Variants in SNX31 observed in about 807,000 individuals in gnomAD.
SNX31 encodes the protein sorting nexin 31.
SNX31 carries 58 observed loss-of-function variants against 65.4 expected under a neutral mutation model. That is an observed-to-expected ratio of 0.89 (90% CI 0.72 to 1.10). The LOEUF is 1.10. SNX31 is among the 50% of genes least tolerant of loss of function. SNX31 has a pLI of 0.00. For missense variants in SNX31, 523 were observed against 529.7 expected (o/e 0.99, Z 0.12); for synonymous variants, 181 against 190.1 (o/e 0.95, Z 0.39).
At chr8:100,627,503 T>C (rs973205907) in intron 4 of SNX31, among the ~76,000 whole-genome samples, 3 of 152,168 alleles carry the variant, frequency 2.0e-5, no homozygotes, top group African/African-American at 7.2e-5. Context: ...AGATATAGAA[T>C]GATCTGCAAG....
At chr8:100,661,436 A>G (rs548081426) in intron 1 of SNX31, among the ~76,000 whole-genome samples, 1 of 152,330 alleles carries the variant, frequency 6.6e-6, no homozygotes, top group East Asian at 1.9e-4. Context: ...GTCCATCAAA[A>G]CCAGGAATAA....
In SNX31 at chr8:100,647,804, A is replaced by T. The variant is rs150884448; in HGVS notation, c.141+1470T>A. ...GCAGGAAAACAGAGGAGGGTAGGAG[A>T]GGATACCCTGCCTCCCCCTGCCAAT... On this transcript the variant is annotated intron_variant, in intron 2 of 13. Transcript: ENST00000311812. 9.0e-3 allele frequency among the ~76,000 whole-genome samples: 1,372 copies of T among 152,140 alleles called. 13 individuals are homozygous for T. Among genetic ancestry groups the T allele is most frequent in the Non-Finnish European group, 0.015 (1,009 of 67,992 alleles).
chr8:100,592,799 T>C (rs758319700), intron 10 of SNX31, among the ~76,000 whole-genome samples: 15 of 152,240 alleles, frequency 9.9e-5, no homozygotes, highest in African/African-American at 3.6e-4. Context: ...TAAAAAATAA[T>C]AAAGTACTGA....
rs764646577 is a variant in SNX31, at chr8:100,636,031, C to T, written c.142-20G>A. 3 of 1,592,534 alleles carry T rather than the reference C, an allele frequency of 1.9e-6. No homozygotes were observed. The highest frequency in any genetic ancestry group is 3.3e-5 in the Admixed American group (2 of 59,876). ...CCTTAGCTGAAAGATCCAGGAAACA[C>T]AGTTAAGGCAGGTGAGCCGCCAGTT... On this transcript the variant is annotated intron_variant, in intron 2 of 13. Coordinates refer to ENST00000311812, the MANE Select transcript of SNX31 (RefSeq NM_152628.4).
At chr8:100,581,603 G>A (rs182490970) in intron 12 of SNX31, among the ~76,000 whole-genome samples, 1 of 151,988 alleles carries the variant, frequency 6.6e-6, no homozygotes, top group East Asian at 1.9e-4. Flanking sequence ...TTATTTATGG[G>A]GCTCATTTGG....
Position 100,591,488 on chromosome 8 carries a change from C to CAA in SNX31, c.979-2511_979-2510dup, listed in dbSNP as rs71274986. On this transcript the variant is annotated intron_variant, in intron 10 of 13. Coordinates refer to ENST00000311812, the MANE Select transcript of SNX31 (RefSeq NM_152628.4). Reference sequence around the variant, plus strand: ...TGGGCAACAGAGTGAGACTCCGTCTCAAAAAAAAAAAAAAAAAAAAGAAGG... The same window carrying CAA: ...TGGGCAACAGAGTGAGACTCCGTCTCAAAAAAAAAAAAAAAAAAAAAAGAAGG... Among the ~76,000 whole-genome samples the CAA allele has an allele frequency of 6.8e-3, 528 of 77,472 alleles. 5 individuals carry two copies. Among genetic ancestry groups the CAA allele is most frequent in the African/African-American group, 0.023 (488 of 20,980 alleles). The allele number at this position is 77,472 out of a possible 152,430, so 50.8% of individuals were successfully genotyped here.
At chr8:100,643,188 G>A (rs12678411) in intron 2 of SNX31, among the ~76,000 whole-genome samples, 13,121 of 138,800 alleles carry the variant, frequency 0.095, 705 homozygotes, top group South Asian at 0.22. Context: ...GCGTGACTCC[G>A]TCTCAAAAAA....
chr8:100,627,435 AC>A (rs1818116583), intron 4 of SNX31, among the ~76,000 whole-genome samples: 1 of 152,242 alleles, frequency 6.6e-6, no homozygotes, highest in Non-Finnish European at 1.5e-5. Flanking sequence ...GGAAAGCAAA[AC>A]CCAGAATGCA....
chr8:100,597,743 T>G (rs1486612109), intron 9 of SNX31, among the ~76,000 whole-genome samples: 1 of 152,212 alleles, frequency 6.6e-6, no homozygotes, highest in Admixed American at 6.5e-5. Flanking sequence ...CTTTTAAAAT[T>G]TAGCTTTTCC....
chr8:100,651,396 A>G (rs1819968641), upstream of SNX31, among the ~76,000 whole-genome samples: 1 of 152,216 alleles, frequency 6.6e-6, no homozygotes, highest in Admixed American at 6.5e-5. Flanking sequence ...CAGACCCAGA[A>G]GTGGCCCCAG....
intron 9 of SNX31, among the ~76,000 whole-genome samples, chr8:100,598,972 T>C (rs2096548): frequency 0.35 from 53,134 of 152,036 alleles, 9,888 homozygotes; most frequent in African/African-American, 0.44. Flanking sequence ...CTTTCTTAAG[T>C]TAATTTCATT....
In SNX31 at chr8:100,617,709, T is replaced by C. The variant is rs1277847315; in HGVS notation, c.343A>G (p.Lys115Glu). ...AQLNTFDIATKKAYLDIFLPN... is the reference protein window; with the variant it reads ...AQLNTFDIATEKAYLDIFLPN... ...AGAAATATGTCCAGATAAGCTTTCTTGGTGGCGATGTCAAATGTATTCTAT... is the reference window on the plus strand; with the variant it reads ...AGAAATATGTCCAGATAAGCTTTCTCGGTGGCGATGTCAAATGTATTCTAT... The change falls in exon 5 of 14, where the codon AAG becomes GAG. Residue 115 changes from lysine (K) to glutamate (E), a missense_variant. Transcript: ENST00000311812. 1.2e-6 allele frequency: 2 copies of C among 1,613,252 alleles called. No individual in the cohort carries two copies. Among genetic ancestry groups the C allele is most frequent in the Non-Finnish European group, 1.7e-6 (2 of 1,179,730 alleles).
Position 100,613,020 on chromosome 8 carries a change from C to G in SNX31, c.498G>C (p.Arg166=), listed in dbSNP as rs145842613. The G allele has an allele frequency of 6.2e-7, 1 of 1,613,920 alleles. No individual in the cohort carries two copies. The highest frequency in any genetic ancestry group is 1.3e-5 in the African/African-American group (1 of 74,870). The change falls in exon 6 of 14, where the codon CGG becomes CGC. Residue 166 remains arginine, a synonymous_variant. Coordinates refer to ENST00000311812, the MANE Select transcript of SNX31 (RefSeq NM_152628.4). This position sits in a 1 kb window ranked among gnomAD's most constrained non-coding sequence, Gnocchi z 5.2. ...LLGYFGLFLI[R]FGKEGKLSVV... ...CAGAGAGCTTGCCCTCCTTGCCAAACCGAATGAGAAAGAGGCCGAAGTAGC... is the reference window on the plus strand; with the variant it reads ...CAGAGAGCTTGCCCTCCTTGCCAAAGCGAATGAGAAAGAGGCCGAAGTAGC...
In SNX31 at chr8:100,648,322, CTTTTTTTTT is replaced by C. The variant is rs33988254; in HGVS notation, c.141+943_141+951del. Among the ~76,000 whole-genome samples the C allele has an allele frequency of 7.6e-6, 1 of 131,412 alleles. No individual in the cohort carries two copies. The highest frequency in any genetic ancestry group is 2.9e-5 in the African/African-American group (1 of 35,010). The allele number at this position is 131,412 out of a possible 152,430, so 86.2% of individuals were successfully genotyped here. A position where few individuals can be genotyped will look rare whatever the true frequency, so the allele number is the denominator to read the frequency against. ...GAAAGTTTTTTCAGTTTTCTCTACA[CTTTTTTTTT>C]TTTTTTTTTTAATAGAGACAAGGTC... On this transcript the variant is annotated intron_variant, in intron 2 of 13. Transcript: ENST00000311812. This position sits in a 1 kb window ranked among gnomAD's most constrained non-coding sequence, Gnocchi z 4.3.
rs1045578447 is a variant in SNX31 at position 100,610,777 on chromosome 8, C to A, written c.611+1223G>T. Among the ~76,000 whole-genome samples, 14 of 152,236 alleles carry A rather than the reference C, an allele frequency of 9.2e-5. No homozygotes were observed. The highest frequency in any genetic ancestry group is 2.7e-4 in the African/African-American group (11 of 41,452). The stretch of plus-strand genomic sequence containing the variant: ...CTTCTGAACAGCAGTATATGAACTG[C>A]CTTGCTGGGAATATCCTTCCACAAT... On this transcript the variant is annotated intron_variant, in intron 7 of 13. Transcript: ENST00000311812. The surrounding 1 kb of genome is among the most constrained non-coding windows in gnomAD (Gnocchi z 4.0).
intron 3 of SNX31, among the ~76,000 whole-genome samples, chr8:100,634,884 C>T (rs2131209188): frequency 6.6e-6 from 1 of 151,828 alleles, no homozygotes; most frequent in African/African-American, 2.4e-5. Flanking sequence ...AGTGAGACCC[C>T]ACCTCTGTAA....
Position 100,604,672 on chromosome 8 carries a change from C to A in SNX31, c.681+3822G>T, listed in dbSNP as rs1222669899. Among the ~76,000 whole-genome samples, 1 of 152,234 alleles carries A rather than the reference C, an allele frequency of 6.6e-6. No homozygotes were observed. The highest frequency in any genetic ancestry group is 6.5e-5 in the Admixed American group (1 of 15,286). On this transcript the variant is annotated intron_variant, in intron 8 of 13. Transcript: ENST00000311812. This position sits in a 1 kb window ranked among gnomAD's most constrained non-coding sequence, Gnocchi z 4.3. ...ACTGAGCCTTCAAAATGTATACTTA[C>A]TTATAGTTTTAAATGCAATCTCTCA...
chr8:100,593,805 G>C (rs976808735), intron 10 of SNX31, among the ~76,000 whole-genome samples: 1 of 151,918 alleles, frequency 6.6e-6, no homozygotes, highest in Non-Finnish European at 1.5e-5. Context: ...ACTGAAAATG[G>C]ATCATGAACT....
At chr8:100,647,741 C>T (rs1819735057) in intron 2 of SNX31, among the ~76,000 whole-genome samples, 4 of 152,164 alleles carry the variant, frequency 2.6e-5, no homozygotes, top group African/African-American at 9.7e-5. Context: ...TCTCTTGCTG[C>T]CTCCTGCTCT....
Sources: allele counts gnomAD v4.1 joint callset (sites outside exome capture counted in the v4.1 genomes callset), GRCh38; gene constraint gnomAD v4.1.1; non-coding constraint Gnocchi (gnomAD v3.1); transcripts MANE v1.5; gene names NCBI Gene and HGNC (gene_info 2026-07-23, HGNC 2026-07-21).